Variants in PACS1 observed in about 807,000 individuals in gnomAD.
PACS1 encodes phosphofurin acidic cluster sorting protein 1.
In PACS1, 24 loss-of-function variants were observed where a neutral mutation model predicts 115.0. The observed-to-expected ratio is 0.21, with a 90% CI of 0.15 to 0.29. The LOEUF (loss-of-function observed/expected upper bound fraction) is 0.29. Among genes scored for constraint, PACS1 ranks in the 10% least tolerant of loss-of-function variants. The probability of loss-of-function intolerance (pLI) is 1.00; values close to 1 mark genes in which losing one functional copy is unlikely to be tolerated. For synonymous variants in PACS1, 453 were observed against 504.5 expected (o/e 0.90, Z 1.37); for missense variants, 838 against 1,251.2 (o/e 0.67, Z 4.98).
At chr11:66,219,351 G>A (rs886182632) in intron 7 of PACS1, among the ~76,000 whole-genome samples, 3 of 151,858 alleles carry the variant, frequency 2.0e-5, no homozygotes, top group Non-Finnish European at 4.4e-5. Context: ...GCAAGGAGAA[G>A]ACGGGACGCT....
Position 66,233,497 on chromosome 11 carries a change from A to T in PACS1, c.1839-288A>T, listed in dbSNP as rs1855641925. On this transcript the variant is annotated intron_variant, in intron 15 of 23. Transcript: ENST00000320580. The surrounding 1 kb of genome is among the most constrained non-coding windows in gnomAD (Gnocchi z 4.5). ...CTTGTGAAAGAGAACTATGGATTCCAGGCCTGGGGGCACACACCCTGCGGG... is the reference window on the plus strand; with the variant it reads ...CTTGTGAAAGAGAACTATGGATTCCTGGCCTGGGGGCACACACCCTGCGGG... Among the ~76,000 whole-genome samples, 1 of 152,222 alleles carries T rather than the reference A, an allele frequency of 6.6e-6. No individual in the cohort carries two copies. The highest frequency in any genetic ancestry group is 1.5e-5 in the Non-Finnish European group (1 of 68,040).
At chr11:66,242,514 C>T (rs1855835188) in intron 22 of PACS1, among the ~76,000 whole-genome samples, 1 of 152,204 alleles carries the variant, frequency 6.6e-6, no homozygotes, top group African/African-American at 2.4e-5. Context: ...GGGAGCACTC[C>T]CCGGCATCCC....
rs73506554 is a variant in PACS1 at position 66,077,566 on chromosome 11, A to G, written c.356+6724A>G. 8.9e-3 allele frequency among the ~76,000 whole-genome samples: 1,360 copies of G among 152,308 alleles called. 16 individuals are homozygous for G. The highest frequency in any genetic ancestry group is 0.031 in the African/African-American group (1,274 of 41,552). ...ACAGAGTAAGACCCTGTCTCAAACA[A>G]AAATGGGTGAATAGAGAATGTTCTA... On this transcript the variant is annotated intron_variant, in intron 1 of 23. Coordinates refer to ENST00000320580, the MANE Select transcript of PACS1 (RefSeq NM_018026.4).
intron 1 of PACS1, among the ~76,000 whole-genome samples, chr11:66,138,605 T>C (rs887138519): frequency 2.0e-5 from 3 of 152,050 alleles, no homozygotes; most frequent in African/African-American, 7.2e-5. Context: ...GCCCTGATAT[T>C]GTGTTTCTTA....
At chr11:66,214,717 G>A (rs1590824536) in intron 4 of PACS1, among the ~76,000 whole-genome samples, 1 of 150,916 alleles carries the variant, frequency 6.6e-6, no homozygotes, top group Non-Finnish European at 1.5e-5. Flanking sequence ...GACTTCCTGG[G>A]CTCAGGTGAT....
Position 66,070,603 on chromosome 11 carries a change from G to C in PACS1, c.117G>C (p.Gln39His), listed in dbSNP as rs1486926742. The change falls in exon 1 of 24, where the codon CAG (glutamine) becomes CAC (histidine). Residue 39 changes from glutamine (Q) to histidine (H), a missense_variant. By Grantham distance (24) the Gln-to-His change is conservative. This residue lies in a region of PACS1 where 129 missense variants were observed against 109.4 expected (regional missense o/e 1.18). Coordinates refer to ENST00000320580, the MANE Select transcript of PACS1 (RefSeq NM_018026.4). The surrounding 1 kb of genome is among the most constrained non-coding windows in gnomAD (Gnocchi z 5.9). ...PQQPPPQQQQ[Q>H]QPPQQPTPPK... ...AGCCGCCGCCGCAGCAGCAGCAGCA[G>C]CAGCCGCCGCAGCAGCCGACGCCCC... 1.3e-6 allele frequency: 2 copies of C among 1,520,662 alleles called. No homozygotes were observed. The highest frequency in any genetic ancestry group is 2.9e-5 in the African/African-American group (2 of 69,520). The allele number at this position is 1,520,662 out of a possible 1,614,324, so 94.2% of individuals were successfully genotyped here. A position where few individuals can be genotyped will look rare whatever the true frequency, so the allele number is the denominator to read the frequency against.
intron 1 of PACS1, among the ~76,000 whole-genome samples, chr11:66,076,657 T>C (rs1857404397): frequency 6.6e-6 from 1 of 152,208 alleles, no homozygotes; most frequent in South Asian, 2.1e-4. Flanking sequence ...CCTCCCAAAG[T>C]GCTGGGATTA....
At chr11:66,103,429 G>A (rs1457767318) in intron 1 of PACS1, among the ~76,000 whole-genome samples, 1 of 151,930 alleles carries the variant, frequency 6.6e-6, no homozygotes, top group African/African-American at 2.4e-5. Flanking sequence ...AGTTACATGT[G>A]GGGTAATTTA....
intron 2 of PACS1, among the ~76,000 whole-genome samples, chr11:66,205,088 G>A (rs549790726): frequency 1.3e-5 from 2 of 152,108 alleles, no homozygotes; most frequent in African/African-American, 4.8e-5. Context: ...AGGTTCAAGC[G>A]ATTCTCCTAC....
Position 66,211,325 on chromosome 11 carries a change from C to T in PACS1, c.660+66C>T, listed in dbSNP as rs75192352. On this transcript the variant is annotated intron_variant, in intron 4 of 23. Transcript: ENST00000320580. ...ACAGAGCCCAAGGGACACCCCAGCC[C>T]AGCCAGTTGAGCCTTCCAGATGATT... The T allele has an allele frequency of 0.011, 17,044 of 1,553,582 alleles. 1,077 individuals are homozygous for T. The East Asian group carries it at 0.17, about 15-fold the overall frequency.
intron 1 of PACS1, among the ~76,000 whole-genome samples, chr11:66,082,796 A>G (rs1290675130): frequency 6.6e-6 from 1 of 152,242 alleles, no homozygotes; most frequent in Admixed American, 6.5e-5. Flanking sequence ...CAGAGGTTGC[A>G]GTGAGCCAAG....
rs540080984 is a variant in PACS1, at chr11:66,216,723, G to A, written c.926G>A (p.Arg309Gln). 55 of 1,613,978 alleles carry A rather than the reference G, an allele frequency of 3.4e-5. No homozygotes were observed. The highest frequency in any genetic ancestry group is 3.3e-4 in the East Asian group (15 of 44,868). ...QDLFYEDEDL[R>Q]KVKKTRRKLT... is the part of the protein sequence containing the mutation. ...TTGTTCTACGAAGACGAAGATCTCCGGAAAGTGAAGAAGACCCGGAGGAAA... is the reference window on the plus strand; with the variant it reads ...TTGTTCTACGAAGACGAAGATCTCCAGAAAGTGAAGAAGACCCGGAGGAAA... The change falls in exon 7 of 24, where the codon CGG becomes CAG. Residue 309 changes from arginine to glutamine, a missense_variant. Transcript: ENST00000320580.
At chr11:66,088,207 G>A (rs568423) in intron 1 of PACS1, among the ~76,000 whole-genome samples, 2,072 of 151,660 alleles carry the variant, frequency 0.014, 39 homozygotes, top group African/African-American at 0.047. Context: ...ACGATATCAA[G>A]CAACCTTTTT....
intron 1 of PACS1, among the ~76,000 whole-genome samples, chr11:66,191,347 C>T (rs369326615): frequency 4.9e-4 from 75 of 152,330 alleles, no homozygotes; most frequent in African/African-American, 1.6e-3. Flanking sequence ...AACTTAATCA[C>T]ATCTGCACAG....
chr11:66,221,298 C>A, intron 10 of PACS1, 51 bp downstream of exon 10: 1 of 1,465,988 alleles, frequency 6.8e-7, no homozygotes, highest in Non-Finnish European at 9.6e-7. Flanking sequence ...CATGTCAGGG[C>A]TCGACGCTCT....
rs1022790430 is a variant in PACS1, at chr11:66,229,358, C to T, written c.1375-1190C>T. On this transcript the variant is annotated intron_variant, in intron 11 of 23. Transcript: ENST00000320580. Reference sequence around the variant, plus strand: ...GAGCTGAGACCATGCCACTGCACTCCAGGCTGTGCAAGAGAGCAAGACCCT... The same window carrying T: ...GAGCTGAGACCATGCCACTGCACTCTAGGCTGTGCAAGAGAGCAAGACCCT... Among the ~76,000 whole-genome samples, 14 of 152,130 alleles carry T rather than the reference C, an allele frequency of 9.2e-5. No individual in the cohort carries two copies. The East Asian group carries it at 2.1e-3, about 23-fold the overall frequency.
At chr11:66,132,428 T>C (rs1590766166) in intron 1 of PACS1, among the ~76,000 whole-genome samples, 1 of 152,150 alleles carries the variant, frequency 6.6e-6, no homozygotes, top group East Asian at 1.9e-4. Context: ...GAAAACGGAT[T>C]AATACAGATA....
intron 2 of PACS1, among the ~76,000 whole-genome samples, chr11:66,201,829 T>C (rs1738904310): frequency 6.6e-6 from 1 of 152,046 alleles, no homozygotes; most frequent in African/African-American, 2.4e-5. Context: ...CGGCTAATTT[T>C]TGTATTTTTA....
At chr11:66,094,787 A>G (rs1176758090) in intron 1 of PACS1, among the ~76,000 whole-genome samples, 4 of 152,226 alleles carry the variant, frequency 2.6e-5, no homozygotes, top group Non-Finnish European at 5.9e-5. Flanking sequence ...CATCGATGCA[A>G]AAATCCTCAA....
Sources: allele counts gnomAD v4.1 joint callset (sites outside exome capture counted in the v4.1 genomes callset), GRCh38; gene constraint gnomAD v4.1.1; regional missense constraint gnomAD v4.1.1; non-coding constraint Gnocchi (gnomAD v3.1); transcripts MANE v1.5; gene names NCBI Gene and HGNC (gene_info 2026-07-23, HGNC 2026-07-21).